The following POLR1E variants were observed in gnomAD, a reference collection of about 807,000 sequenced individuals.
The protein encoded by POLR1E is RNA polymerase I subunit E.
A neutral mutation model predicts 50.9 loss-of-function variants in POLR1E; 37 were observed. That is an observed-to-expected ratio of 0.73 (90% confidence interval 0.56 to 0.96). The LOEUF (loss-of-function observed/expected upper bound fraction) is 0.96, where lower values mean the gene tolerates loss of function less well. Ranked by LOEUF, POLR1E falls within the 40% of genes least tolerant of loss-of-function variation. The pLI, the probability that POLR1E is intolerant of heterozygous loss-of-function variation, is 0.00. For missense variants in POLR1E, 426 were observed against 518.1 expected, an observed-to-expected ratio of 0.82 and a Z score of 1.73; for synonymous variants, 166 against 191.6, an observed-to-expected ratio of 0.87 and a Z score of 1.10.
At chr9:37,494,943 G>C (rs182789278) in intron 6 of POLR1E, among the ~76,000 whole-genome samples, 1 of 152,304 alleles carries the variant, frequency 6.6e-6, no homozygotes, top group Non-Finnish European at 1.5e-5. Context: ...TACCTGAGGG[G>C]AATCTTGTCA....
At chr9:37,495,360 T>C in intron 7 of POLR1E, 84 bp downstream of exon 7, 1 of 1,098,098 alleles carries the variant, frequency 9.1e-7, no homozygotes, top group Admixed American at 1.7e-5. Context: ...TCTGAGGGTG[T>C]CTGTGTTCTG....
chr9:37,487,911 G>A lies in POLR1E; in HGVS notation c.229G>A (p.Gly77Arg). Reference sequence around the variant, plus strand: ...CTATGTGGGAAACAATTTTGGGACTGGAGCCCTCAAATGCAACACTTTGTG... The same window carrying A: ...CTATGTGGGAAACAATTTTGGGACTAGAGCCCTCAAATGCAACACTTTGTG... ...LSYVGNNFGT[G>R]ALKCNTLCRH... Residue 77 changes from glycine to arginine, a missense_variant, in exon 3 of 12, where the codon GGA becomes AGA. Coordinates refer to ENST00000377798, the MANE Select transcript of POLR1E (RefSeq NM_022490.4). 1 of 1,614,192 alleles carries A rather than the reference G, an allele frequency of 6.2e-7. No individual in the cohort carries two copies. The highest frequency in any genetic ancestry group is 8.5e-7 in the Non-Finnish European group (1 of 1,180,024).
intron 1 of POLR1E, chr9:37,486,368 T>A: frequency 1.4e-6 from 2 of 1,476,936 alleles, no homozygotes; most frequent in Non-Finnish European, 1.8e-6. Flanking sequence ...GCTGACCCCC[T>A]CACCCACCAG....
In POLR1E at chr9:37,492,658, T is replaced by C; in HGVS notation, c.345T>C (p.Asp115=). The change falls in exon 5 of 12, where the codon GAT becomes GAC. Residue 115 remains aspartate (D), a splice_region_variant and synonymous_variant. Coordinates refer to ENST00000377798, the MANE Select transcript of POLR1E (RefSeq NM_022490.4). ...ELFNMQPLFS[D]VSVESELALE... is the part of the protein sequence containing the mutation. Reference sequence around the variant, plus strand: ...CTCTGTTTTTGTGTGTTTTGATAGATGTATCAGTTGAGAGTGAACTGGCGC... The same window carrying C: ...CTCTGTTTTTGTGTGTTTTGATAGACGTATCAGTTGAGAGTGAACTGGCGC... 1 of 1,613,958 alleles carries C rather than the reference T, an allele frequency of 6.2e-7. No individual in the cohort carries two copies. Among genetic ancestry groups the C allele is most frequent in the Non-Finnish European group, 8.5e-7 (1 of 1,179,836 alleles).
chr9:37,492,156 C>T, intron 4 of POLR1E: 1 of 770,350 alleles, frequency 1.3e-6, no homozygotes, highest in Non-Finnish European at 1.8e-6. Flanking sequence ...GCTGAGATAA[C>T]AGGCAAGGCC....
At chr9:37,486,335 C>G (rs929429572) in intron 1 of POLR1E, 31 of 1,380,404 alleles carry the variant, frequency 2.2e-5, no homozygotes, top group Non-Finnish European at 3.0e-5. Context: ...TCACCCGCTC[C>G]CCAGAGCTGT....
Position 37,501,734 on chromosome 9 carries a change from T to C in POLR1E, c.990T>C (p.Asp330=), listed in dbSNP as rs1424906154. The C allele has an allele frequency of 1.2e-6, 2 of 1,609,832 alleles. No homozygotes were observed. The highest frequency in any genetic ancestry group is 3.4e-5 in the Admixed American group (2 of 58,766). The change falls in exon 11 of 12, where the codon GAT becomes GAC. Residue 330 remains aspartate, a synonymous_variant. Coordinates refer to ENST00000377798, the MANE Select transcript of POLR1E (RefSeq NM_022490.4). ...NNGRLRNLIS[D]SMKAKITAYV... ...CTAGATTACGGAACTTAATTTCGGATTCTATGAAGGCGAAGATTACTGCAT... is the reference window on the plus strand; with the variant it reads ...CTAGATTACGGAACTTAATTTCGGACTCTATGAAGGCGAAGATTACTGCAT...
chr9:37,493,154 G>C (rs1260277988), intron 5 of POLR1E, among the ~76,000 whole-genome samples: 2 of 152,206 alleles, frequency 1.3e-5, no homozygotes, highest in Non-Finnish European at 2.9e-5. Context: ...GTGGAGCACT[G>C]TATTGAGAAG....
intron 4 of POLR1E, chr9:37,490,608 G>T: frequency 1.4e-6 from 1 of 724,526 alleles, no homozygotes; most frequent in Non-Finnish European, 2.5e-6. Flanking sequence ...TCGGCTCTTA[G>T]AGTGCTTAAT....
intron 4 of POLR1E, 112 bp from the exon 5 acceptor site, chr9:37,492,545 A>T: frequency 9.5e-7 from 1 of 1,053,018 alleles, no homozygotes; most frequent in Non-Finnish European, 1.4e-6. Context: ...GGGAAGTCCT[A>T]TAGTAAAGAA....
chr9:37,496,623 CTTTTTTTTT>C (rs376455174), intron 8 of POLR1E, among the ~76,000 whole-genome samples: 10 of 112,488 alleles, frequency 8.9e-5, no homozygotes, highest in Non-Finnish European at 1.1e-4. Context: ...ATTATTATTT[CTTTTTTTTT>C]TTTTTTTTTT....
In POLR1E at chr9:37,503,089, A is replaced by C. The variant is rs758368741; in HGVS notation, c.1147A>C (p.Arg383=). ...CATGAGGCTGAAGATCTCCAAAAGA[A>C]GGGTGTCTGTGGCCGCCGGCAGTGA... ...KAMRLKISKR[R]VSVAAGSEED... The change falls in exon 12 of 12, where the codon AGG becomes CGG. Residue 383 remains arginine, a synonymous_variant. Transcript: ENST00000377798. 15 of 1,614,042 alleles carry C rather than the reference A, an allele frequency of 9.3e-6. No individual in the cohort carries two copies. In the East Asian group the frequency reaches 3.1e-4, roughly 34 times the overall value.
intron 3 of POLR1E, 152 bp from the exon 4 acceptor site, chr9:37,489,163 G>A (rs1006887500): frequency 1.1e-4 from 53 of 488,152 alleles, no homozygotes; most frequent in Admixed American, 2.6e-4. Context: ...GCTTGAACCC[G>A]GGAGGTGGAG....
rs749039530 is a variant in POLR1E at position 37,493,558 on chromosome 9, G to A, written c.403-1G>A. On this transcript the variant is annotated splice_acceptor_variant, in intron 5 of 11. Transcript: ENST00000377798. LOFTEE classifies it high-confidence loss of function. ...AGTAACCAGGTTTATCTCATAAACA[G>A]ATGGATTCTTGTATTGAAGCCTTTG... 6.3e-7 allele frequency: 1 copy of A among 1,595,852 alleles called. No individual in the cohort carries two copies. Among genetic ancestry groups the A allele is most frequent in the Non-Finnish European group, 8.6e-7 (1 of 1,169,522 alleles).
At chr9:37,486,508 G>C (rs772153945) in intron 1 of POLR1E, 195 bp from the exon 2 acceptor site, 13 of 1,555,564 alleles carry the variant, frequency 8.4e-6, no homozygotes, top group Non-Finnish European at 1.1e-5. Flanking sequence ...CCCTCCCCAG[G>C]GTTCTCCCAC....
intron 4 of POLR1E, chr9:37,492,378 A>G: frequency 8.5e-7 from 1 of 1,169,690 alleles, no homozygotes; most frequent in Non-Finnish European, 1.2e-6. Flanking sequence ...GACCTGGGGC[A>G]AGTAATTTCA....
intron 4 of POLR1E, 99 bp from the exon 5 acceptor site, chr9:37,492,558 C>G: frequency 8.6e-7 from 1 of 1,168,754 alleles, no homozygotes; most frequent in Non-Finnish European, 1.2e-6. Context: ...GTAAAGAAAT[C>G]TATTATTCTT....
rs1820637286 is a variant in POLR1E at position 37,489,339 on chromosome 9, G to C, written c.282G>C (p.Lys94Asn). 6.2e-7 allele frequency: 1 copy of C among 1,601,044 alleles called. No homozygotes were observed. Among genetic ancestry groups the C allele is most frequent in the Non-Finnish European group, 8.5e-7 (1 of 1,176,724 alleles). The change falls in exon 4 of 12, where the codon AAG becomes AAC. Residue 94 changes from lysine (K) to asparagine (N), a missense_variant. Transcript: ENST00000377798. ...LCRHFVGILN[K>N]TSGQMEVYDA... is the part of the protein sequence containing the mutation. ...GGCACTTTGTGGGAATTTTGAACAA[G>C]ACCTCTGGCCAAATGGAAGTATATG... is the stretch of plus-strand genomic sequence containing the variant.
chr9:37,492,640 T>G lies in POLR1E; in HGVS notation c.344-17T>G. On this transcript the variant is annotated splice_polypyrimidine_tract_variant and intron_variant, in intron 4 of 11. Transcript: ENST00000377798. ...CAATTGACTTTTCTTTCTCTCTGTT[T>G]TTGTGTGTTTTGATAGATGTATCAG... 6.2e-7 allele frequency: 1 copy of G among 1,613,038 alleles called. No homozygotes were observed. Among genetic ancestry groups the G allele is most frequent in the Non-Finnish European group, 8.5e-7 (1 of 1,179,178 alleles).
Sources: allele counts gnomAD v4.1 joint callset (sites outside exome capture counted in the v4.1 genomes callset), GRCh38; gene constraint gnomAD v4.1.1; transcripts MANE v1.5; gene names NCBI Gene and HGNC (gene_info 2026-07-23, HGNC 2026-07-21).